The following FAM227B variants were observed in gnomAD, a reference collection of about 807,000 sequenced individuals.
The protein encoded by FAM227B is protein FAM227B.
In FAM227B, 88 loss-of-function variants were observed where a neutral mutation model predicts 73.8. The observed-to-expected ratio is 1.19, with a 90% CI of 1.00 to 1.42. FAM227B has a LOEUF of 1.42. Among genes scored for constraint, FAM227B ranks in the 40% most tolerant of loss-of-function variants. FAM227B has a pLI of 0.00. For missense variants in FAM227B, 632 were observed against 590.9 expected (o/e 1.07, Z -0.72); for synonymous variants, 210 against 190.5 (o/e 1.10, Z -0.84).
intron 11 of FAM227B, among the ~76,000 whole-genome samples, chr15:49,395,201 A>G (rs1315123162): frequency 2.0e-5 from 3 of 152,092 alleles, no homozygotes; most frequent in Non-Finnish European, 4.4e-5. Flanking sequence ...AAATAGTTAC[A>G]TGGTATTTTC....
At chr15:49,355,416 C>T (rs2042978486) in intron 13 of FAM227B, among the ~76,000 whole-genome samples, 2 of 152,160 alleles carry the variant, frequency 1.3e-5, no homozygotes. Context: ...GAGCTGAAAA[C>T]CAAGGCTCGA....
chr15:49,560,535 C>G (rs1213724631), intron 9 of FAM227B, among the ~76,000 whole-genome samples: 1 of 152,026 alleles, frequency 6.6e-6, no homozygotes, highest in African/African-American at 2.4e-5. Flanking sequence ...GAACACCTGC[C>G]AGATACCATA....
At chr15:49,536,441 C>T (rs1351844561) in intron 10 of FAM227B, among the ~76,000 whole-genome samples, 2 of 151,782 alleles carry the variant, frequency 1.3e-5, no homozygotes, top group Non-Finnish European at 2.9e-5. Context: ...AAAGATATCC[C>T]ATGCTATGTA....
At position 49,568,269 on chromosome 15, in the gene FAM227B, T is replaced by TA. The variant is rs557539050; in HGVS notation, c.722dup (p.Ser242LysfsTer12). ...CCTGAAAAAATGCATCCTTTCGACT[T>TA]AGAGGTATGCTCATGAAAAGTGTCA... On this transcript the variant is annotated frameshift_variant, in exon 9 of 16. Coordinates refer to ENST00000299338, the MANE Select transcript of FAM227B (RefSeq NM_152647.3). LOFTEE classifies it high-confidence loss of function. 7.8e-4 allele frequency: 1,260 copies of TA among 1,608,994 alleles called. 2 individuals carry two copies. Among genetic ancestry groups the TA allele is most frequent in the Non-Finnish European group, 9.5e-4 (1,117 of 1,177,922 alleles).
chr15:49,524,677 C>T (rs768000178), intron 10 of FAM227B, among the ~76,000 whole-genome samples: 43 of 152,286 alleles, frequency 2.8e-4, no homozygotes, highest in Non-Finnish European at 4.0e-4. Context: ...AGACACTCAA[C>T]GCCAGCTGGT....
chr15:49,550,004 C>T lies in FAM227B; in HGVS notation c.748-8198G>A, dbSNP rs1267765380. Among the ~76,000 whole-genome samples, 2 of 110,636 alleles carry T rather than the reference C, an allele frequency of 1.8e-5. 1 individual carries two copies. The highest frequency in any genetic ancestry group is 5.6e-5 in the African/African-American group (2 of 35,710). 72.6% of individuals were successfully genotyped at this position (110,636 alleles called of 152,430 possible). On this transcript the variant is annotated intron_variant, in intron 9 of 15. Coordinates refer to ENST00000299338, the MANE Select transcript of FAM227B (RefSeq NM_152647.3). The stretch of plus-strand genomic sequence containing the variant: ...CTCCCAGACGGGGCGGCTGGCCGGG[C>T]AGGGGGCTGACCCCCCCACCTCCCT...
chr15:49,436,074 C>G (rs1439969681), intron 11 of FAM227B, among the ~76,000 whole-genome samples: 1 of 151,362 alleles, frequency 6.6e-6, no homozygotes, highest in Non-Finnish European at 1.5e-5. Flanking sequence ...AAAAAAAGAC[C>G]CTCAGGAAAC....
chr15:49,465,233 G>A (rs951740646), intron 11 of FAM227B, among the ~76,000 whole-genome samples: 6 of 151,746 alleles, frequency 4.0e-5, no homozygotes, highest in South Asian at 2.1e-4. Flanking sequence ...AGGTTAAAGC[G>A]ATTCTCCTGC....
At chr15:49,508,899 G>A (rs142824488) in intron 10 of FAM227B, among the ~76,000 whole-genome samples, 17 of 152,280 alleles carry the variant, frequency 1.1e-4, no homozygotes, top group East Asian at 3.9e-4. Context: ...AGCAGATTGC[G>A]TTTATAAAGA....
At chr15:49,590,115 GT>G in intron 3 of FAM227B, 108 bp from the exon 4 acceptor site, 1 of 630,086 alleles carries the variant, frequency 1.6e-6, no homozygotes, top group Admixed American at 3.2e-5. Flanking sequence ...CCACAGCATT[GT>G]TTTTTATCAC....
intron 11 of FAM227B, among the ~76,000 whole-genome samples, chr15:49,388,751 G>T (rs924267759): frequency 6.6e-6 from 1 of 151,602 alleles, no homozygotes; most frequent in African/African-American, 2.4e-5. Context: ...AAAAGGACTA[G>T]TATCCAGAAT....
intron 11 of FAM227B, among the ~76,000 whole-genome samples, chr15:49,445,312 AT>A (rs1439176977): frequency 2.6e-5 from 4 of 151,562 alleles, no homozygotes. Flanking sequence ...TATTGTTGCC[AT>A]TTTTAAGTCC....
At chr15:49,329,809 A>AAG in intron 15 of FAM227B, 1 of 707,720 alleles carries the variant, frequency 1.4e-6, no homozygotes, top group Non-Finnish European at 1.7e-6. Context: ...ATCAGTGTAA[A>AAG]AAAAAAAAAA....
At chr15:49,358,985 G>T (rs1311738411) in intron 13 of FAM227B, among the ~76,000 whole-genome samples, 1 of 151,094 alleles carries the variant, frequency 6.6e-6, no homozygotes, top group South Asian at 2.1e-4. Context: ...CAAGCAATGG[G>T]GAAAGGATTC....
intron 11 of FAM227B, chr15:49,484,661 G>A (rs904691150): frequency 4.4e-5 from 20 of 454,388 alleles, no homozygotes; most frequent in African/African-American, 3.9e-4. Context: ...GTGCATTTAT[G>A]TTTGTTTTAA....
At chr15:49,603,470 T>C (rs1005511144) in intron 3 of FAM227B, among the ~76,000 whole-genome samples, 1 of 152,108 alleles carries the variant, frequency 6.6e-6, no homozygotes, top group East Asian at 1.9e-4. Context: ...CTGATTTTTG[T>C]ATGTTGTTTT....
At chr15:49,588,527 T>C (rs2076310018) in intron 4 of FAM227B, among the ~76,000 whole-genome samples, 1 of 117,352 alleles carries the variant, frequency 8.5e-6, no homozygotes, top group Non-Finnish European at 1.7e-5. Flanking sequence ...ATCCAAGTTC[T>C]GATATCTACA....
intron 13 of FAM227B, among the ~76,000 whole-genome samples, chr15:49,351,094 T>C (rs1424949350): frequency 1.3e-5 from 2 of 152,210 alleles, no homozygotes; most frequent in African/African-American, 2.4e-5. Flanking sequence ...TTCTTTCCTA[T>C]ATAAACTATC....
In FAM227B at chr15:49,588,015, C is replaced by A; in HGVS notation, c.405+1G>T. On this transcript the variant is annotated splice_donor_variant, in intron 5 of 15. Transcript: ENST00000299338. LOFTEE classifies it high-confidence loss of function. ...GGATGATAAAAACATAGATACCATA[C>A]CATTATCTTTTTTTTCTTATGGTAC... is the stretch of plus-strand genomic sequence containing the variant. The A allele has an allele frequency of 6.9e-7, 1 of 1,449,884 alleles. No individual in the cohort carries two copies. The allele number at this position is 1,449,884 out of a possible 1,614,324, so 89.8% of individuals were successfully genotyped here. A position where few individuals can be genotyped will look rare whatever the true frequency, so the allele number is the denominator to read the frequency against.
Sources: gnomAD v4.1 joint callset for allele counts (sites outside exome capture counted in the v4.1 genomes callset) on GRCh38, gnomAD v4.1.1 for gene constraint, MANE v1.5 for transcripts, NCBI Gene and HGNC (gene_info 2026-07-23, HGNC 2026-07-21) for gene names.